Variants in UBE2Z observed in about 807,000 individuals in gnomAD.
UBE2Z encodes ubiquitin-conjugating enzyme E2 Z.
In UBE2Z, 10 loss-of-function variants were observed where a neutral mutation model predicts 32.6. The ratio of observed to expected loss-of-function variants is 0.31; its 90% CI spans 0.19 to 0.52. UBE2Z has a LOEUF of 0.52. Ranked by LOEUF, UBE2Z falls within the 20% of genes least tolerant of loss-of-function variation. The pLI is 0.97. For missense variants in UBE2Z, 343 were observed against 480.9 expected, an observed-to-expected ratio of 0.71 and a Z score of 2.68; for synonymous variants, 183 against 190.8, an observed-to-expected ratio of 0.96 and a Z score of 0.34.
chr17:48,911,165 A>C, intron 2 of UBE2Z: 1 of 422,856 alleles, frequency 2.4e-6, no homozygotes, highest in Non-Finnish European at 4.4e-6. Flanking sequence ...TCACTCTCAA[A>C]AATGCTCCTG....
At chr17:48,922,744 G>T in intron 5 of UBE2Z, 103 bp from the exon 6 acceptor site, 1 of 799,354 alleles carries the variant, frequency 1.3e-6, no homozygotes, top group Non-Finnish European at 2.0e-6. Flanking sequence ...TCCAACATGG[G>T]CTACAGAGCA....
chr17:48,910,919 T>A, intron 2 of UBE2Z, 39 bp downstream of exon 2: 1 of 1,502,178 alleles, frequency 6.7e-7, no homozygotes, highest in Non-Finnish European at 9.3e-7. Context: ...TTTTGGGAAA[T>A]TGGGGGCCAT....
intron 4 of UBE2Z, among the ~76,000 whole-genome samples, chr17:48,916,557 G>A (rs2040721377): frequency 1.3e-5 from 2 of 149,864 alleles, no homozygotes; most frequent in Admixed American, 6.7e-5. Flanking sequence ...AGCCAGAATA[G>A]TGTTTTAAGA....
At chr17:48,908,965 C>T (rs1051438753) in intron 1 of UBE2Z, 145 bp downstream of exon 1, 4 of 480,576 alleles carry the variant, frequency 8.3e-6, no homozygotes, top group Admixed American at 9.7e-5. Flanking sequence ...TTGCCAGCTC[C>T]GGGCGTCGGG....
At chr17:48,918,402 C>T (rs557096663) in intron 4 of UBE2Z, among the ~76,000 whole-genome samples, 9 of 151,828 alleles carry the variant, frequency 5.9e-5, no homozygotes, top group Non-Finnish European at 1.2e-4. Flanking sequence ...GGTGTGATCT[C>T]GGCTCACTGC....
At chr17:48,920,030 T>G (rs1045892637) in intron 4 of UBE2Z, among the ~76,000 whole-genome samples, 3 of 151,712 alleles carry the variant, frequency 2.0e-5, no homozygotes, top group Non-Finnish European at 4.4e-5. Flanking sequence ...AAAAACTTTT[T>G]TAAAAAAATA....
At position 48,927,988 on chromosome 17, in the gene UBE2Z, C is replaced by T. The variant is rs1292082805; in HGVS notation, c.*854C>T. On this transcript the variant is annotated 3_prime_UTR_variant, in exon 7 of 7. Coordinates refer to ENST00000360943, the MANE Select transcript of UBE2Z (RefSeq NM_023079.5). ...GATTAGAGCCACTACATAGAATAGT[C>T]TCTTACAGATTTTCATAAATACTAG... 6.6e-6 allele frequency: 1 copy of T among 152,264 alleles called. No homozygotes were observed. Among genetic ancestry groups the T allele is most frequent in the African/African-American group, 2.4e-5 (1 of 41,414 alleles). 9.4% of individuals were successfully genotyped at this position (152,264 alleles called of 1,614,324 possible).
intron 4 of UBE2Z, among the ~76,000 whole-genome samples, chr17:48,920,636 T>C (rs12601072): frequency 0.41 from 62,531 of 151,970 alleles, 15,398 homozygotes; most frequent in East Asian, 0.71. Flanking sequence ...AAGTCAAGGC[T>C]GCAGTTAGCT....
rs1396741122 is a variant in UBE2Z at position 48,927,306 on chromosome 17, C to T, written c.*172C>T. On this transcript the variant is annotated 3_prime_UTR_variant, in exon 7 of 7. Coordinates refer to ENST00000360943, the MANE Select transcript of UBE2Z (RefSeq NM_023079.5). The stretch of plus-strand genomic sequence containing the variant: ...GGGTGTGGGAGTGGGGGCCTGTTCC[C>T]GGTCTGACCTCCTTGGCACTGGAGC... 1.0e-5 allele frequency: 7 copies of T among 675,706 alleles called. No homozygotes were observed. Among genetic ancestry groups the T allele is most frequent in the Non-Finnish European group, 1.7e-5 (7 of 407,760 alleles). The allele number at this position is 675,706 out of a possible 1,614,324, so 41.9% of individuals were successfully genotyped here. A position where few individuals can be genotyped will look rare whatever the true frequency, so the allele number is the denominator to read the frequency against.
At chr17:48,921,298 T>C in intron 5 of UBE2Z, 26 bp downstream of exon 5, 1 of 1,580,934 alleles carries the variant, frequency 6.3e-7, no homozygotes, top group Non-Finnish European at 8.6e-7. Flanking sequence ...GCTTGCTTGG[T>C]ATTCCTTTCG....
At chr17:48,918,991 C>T (rs1160910327) in intron 4 of UBE2Z, among the ~76,000 whole-genome samples, 1 of 152,144 alleles carries the variant, frequency 6.6e-6, no homozygotes, top group African/African-American at 2.4e-5. Context: ...AAGCAGTCTG[C>T]CCACGTCCGC....
At chr17:48,915,989 C>A in intron 3 of UBE2Z, 87 bp from the exon 4 acceptor site, 2 of 732,824 alleles carry the variant, frequency 2.7e-6, no homozygotes, top group South Asian at 1.8e-5. Context: ...TATGGTGAGT[C>A]ACTTATGGTG....
intron 6 of UBE2Z, among the ~76,000 whole-genome samples, chr17:48,926,523 T>C (rs1300178616): frequency 6.6e-6 from 1 of 150,592 alleles, no homozygotes; most frequent in African/African-American, 2.5e-5. Context: ...TTGCCCAGGC[T>C]GGAGTGTAAT....
chr17:48,926,276 A>G (rs1008597832), intron 6 of UBE2Z, among the ~76,000 whole-genome samples: 5 of 152,126 alleles, frequency 3.3e-5, no homozygotes, highest in African/African-American at 9.7e-5. Context: ...ATAAAGAGCA[A>G]CTTTTACCTT....
chr17:48,923,183 T>C, intron 6 of UBE2Z: 4 of 317,866 alleles, frequency 1.3e-5, no homozygotes, highest in Non-Finnish European at 2.4e-5. Flanking sequence ...TAGCCGGGCA[T>C]CGTGGCGTGT....
intron 2 of UBE2Z, chr17:48,912,514 C>CAAAAA: frequency 4.0e-5 from 9 of 225,330 alleles, no homozygotes; most frequent in Non-Finnish European, 5.1e-5. Flanking sequence ...GAGGTCTGCA[C>CAAAAA]AAAAAAAAAA....
At chr17:48,922,473 A>G (rs1428538513) in intron 5 of UBE2Z, among the ~76,000 whole-genome samples, 1 of 152,196 alleles carries the variant, frequency 6.6e-6, no homozygotes, top group East Asian at 1.9e-4. Flanking sequence ...TTTGGCATTA[A>G]GGTTAGGTAA....
chr17:48,920,593 A>G (rs2040752279), intron 4 of UBE2Z, among the ~76,000 whole-genome samples: 1 of 152,062 alleles, frequency 6.6e-6, no homozygotes, highest in South Asian at 2.1e-4. Context: ...GGATCGCTAG[A>G]GCCCAGGAGT....
At chr17:48,908,842 C>A in intron 1 of UBE2Z, 22 bp downstream of exon 1, 2 of 1,471,994 alleles carry the variant, frequency 1.4e-6, no homozygotes, top group Non-Finnish European at 1.8e-6. Flanking sequence ...TTTTTCCTCC[C>A]CCAGCCCCGA....
Sources: allele counts gnomAD v4.1 joint callset (sites outside exome capture counted in the v4.1 genomes callset), GRCh38; gene constraint gnomAD v4.1.1; transcripts MANE v1.5; gene names NCBI Gene and HGNC (gene_info 2026-07-23, HGNC 2026-07-21).